Variants in DSCAM observed in about 807,000 individuals in gnomAD.
DSCAM encodes cell adhesion molecule DSCAM.
A neutral mutation model predicts 217.7 loss-of-function variants in DSCAM; 47 were observed. That is an observed-to-expected ratio of 0.22 (90% confidence interval 0.17 to 0.28). The LOEUF (loss-of-function observed/expected upper bound fraction) is 0.28. DSCAM is among the 10% of genes least tolerant of loss of function. The pLI is 1.00. For missense variants in DSCAM, 2,080 were observed against 2,618.3 expected (o/e 0.79, Z 4.49); for synonymous variants, 1,056 against 1,015.3 (o/e 1.04, Z -0.76).
intron 8 of DSCAM, among the ~76,000 whole-genome samples, chr21:40,329,150 T>A (rs1766175834): frequency 6.6e-6 from 1 of 152,190 alleles, no homozygotes; most frequent in East Asian, 1.9e-4. Flanking sequence ...TTTCTAGCAA[T>A]CCCATTACTG....
chr21:40,594,588 TAA>T (rs2077007542), intron 3 of DSCAM, among the ~76,000 whole-genome samples: 1 of 152,100 alleles, frequency 6.6e-6, no homozygotes, highest in South Asian at 2.1e-4. Context: ...TAGGGGGTAA[TAA>T]AGAGTAGCCA....
chr21:40,342,239 T>G (rs1396065908), intron 6 of DSCAM, among the ~76,000 whole-genome samples: 1 of 152,152 alleles, frequency 6.6e-6, no homozygotes, highest in African/African-American at 2.4e-5. Flanking sequence ...TCTGATACAT[T>G]TGTAAGATTC....
intron 20 of DSCAM, among the ~76,000 whole-genome samples, chr21:40,115,286 C>G (rs1328823060): frequency 6.6e-6 from 1 of 152,050 alleles, no homozygotes; most frequent in African/African-American, 2.4e-5. Context: ...AAGCTGGAAA[C>G]CATCATTCTG....
intron 3 of DSCAM, among the ~76,000 whole-genome samples, chr21:40,656,356 C>T (rs2837766): frequency 0.38 from 57,160 of 151,956 alleles, 10,791 homozygotes; most frequent in South Asian, 0.46. Context: ...AAATGTTCAT[C>T]GCTTTTTGCA....
intron 20 of DSCAM, among the ~76,000 whole-genome samples, chr21:40,101,999 T>C (rs530408834): frequency 1.0e-3 from 159 of 152,288 alleles, no homozygotes; most frequent in African/African-American, 3.8e-3. Flanking sequence ...TGAGTTTCAA[T>C]TAATGGTCAT....
chr21:40,508,570 A>T (rs2076227257), intron 3 of DSCAM, among the ~76,000 whole-genome samples: 1 of 151,120 alleles, frequency 6.6e-6, no homozygotes, highest in Non-Finnish European at 1.5e-5. Flanking sequence ...TGTTGTTATC[A>T]TCATTATTAT....
intron 8 of DSCAM, among the ~76,000 whole-genome samples, chr21:40,315,732 T>G (rs986291776): frequency 6.6e-6 from 1 of 152,210 alleles, no homozygotes; most frequent in Non-Finnish European, 1.5e-5. Context: ...GTCAGAAAGC[T>G]AATGCACTAA....
chr21:40,111,004 CAGG>C (rs2089892251), intron 20 of DSCAM, among the ~76,000 whole-genome samples: 1 of 152,146 alleles, frequency 6.6e-6, no homozygotes, highest in South Asian at 2.1e-4. Flanking sequence ...GGATATTATC[CAGG>C]AGAATTTCCC....
intron 1 of DSCAM, among the ~76,000 whole-genome samples, chr21:40,821,793 T>C (rs1420147762): frequency 6.6e-6 from 1 of 151,934 alleles, no homozygotes; most frequent in Non-Finnish European, 1.5e-5. Flanking sequence ...TCATCACTTA[T>C]AAATGGGAGC....
intron 4 of DSCAM, among the ~76,000 whole-genome samples, chr21:40,363,252 CTT>C (rs35756323): frequency 8.6e-6 from 1 of 116,158 alleles, no homozygotes; most frequent in African/African-American, 3.3e-5. Context: ...TTTTTGTGTT[CTT>C]TTTTTTTTTT....
intron 3 of DSCAM, among the ~76,000 whole-genome samples, chr21:40,671,418 G>A (rs1171399753): frequency 1.3e-5 from 2 of 152,186 alleles, no homozygotes; most frequent in Non-Finnish European, 2.9e-5. Flanking sequence ...GCTCATGCCT[G>A]TAATCCCAGC....
chr21:40,015,193 C>T (rs1288462551), intron 32 of DSCAM, among the ~76,000 whole-genome samples: 1 of 152,174 alleles, frequency 6.6e-6, no homozygotes, highest in Admixed American at 6.5e-5. Flanking sequence ...AGGTGCTTTG[C>T]TAGGCATTTC....
In DSCAM at chr21:40,779,382, G is replaced by A. The variant is rs2091519659; in HGVS notation, c.43+67237C>T. On this transcript the variant is annotated intron_variant, in intron 1 of 32. Transcript: ENST00000400454. ...GACGAAGAGAAATTTTGGTTCAGACGTCAGTATTAATTTTTAATATGTATT... is the reference window on the plus strand; with the variant it reads ...GACGAAGAGAAATTTTGGTTCAGACATCAGTATTAATTTTTAATATGTATT... Among the ~76,000 whole-genome samples the A allele has an allele frequency of 2.0e-5, 3 of 152,144 alleles. No homozygotes were observed. The South Asian group carries it at 6.2e-4, about 32-fold the overall frequency.
rs558015125 is a variant in DSCAM, at chr21:40,419,788, G to A, written c.509-50543C>T. On this transcript the variant is annotated intron_variant, in intron 3 of 32. Transcript: ENST00000400454. ...TCATTGTCAGCATCATCATCACCAT[G>A]TATAAAGTCTCACATTATTGTTATT... Among the ~76,000 whole-genome samples the A allele has an allele frequency of 2.1e-3, 320 of 152,252 alleles. 1 individual carries two copies. Among genetic ancestry groups the A allele is most frequent in the African/African-American group, 7.3e-3 (305 of 41,550 alleles).
intron 18 of DSCAM, among the ~76,000 whole-genome samples, chr21:40,139,924 A>G: frequency 7.8e-6 from 1 of 128,836 alleles, no homozygotes; most frequent in Non-Finnish European, 1.6e-5. Flanking sequence ...TGAGTGTGGG[A>G]TATGTGTGGG....
chr21:40,843,392 G>GTGTT (rs1343469843), intron 1 of DSCAM, among the ~76,000 whole-genome samples: 3 of 151,916 alleles, frequency 2.0e-5, no homozygotes, highest in African/African-American at 7.3e-5. Flanking sequence ...GTGTGTGTGT[G>GTGTT]TGTGTGTGTG....
chr21:40,395,886 C>A (rs1219505322), intron 3 of DSCAM, among the ~76,000 whole-genome samples: 1 of 152,156 alleles, frequency 6.6e-6, no homozygotes, highest in Admixed American at 6.5e-5. Flanking sequence ...CTTATTAAAG[C>A]CCCTGAAATC....
chr21:40,059,206 A>G (rs1293893131), intron 28 of DSCAM, among the ~76,000 whole-genome samples: 4 of 152,206 alleles, frequency 2.6e-5, no homozygotes, highest in Non-Finnish European at 5.9e-5. Flanking sequence ...TATGAACATC[A>G]AAAAAGCTGA....
chr21:40,663,172 G>C (rs1489827796), intron 3 of DSCAM, among the ~76,000 whole-genome samples: 1 of 149,590 alleles, frequency 6.7e-6, no homozygotes, highest in African/African-American at 2.5e-5. Context: ...ATGTCAGTGT[G>C]TGTGGTGTGT....
Sources: gnomAD v4.1 joint callset for allele counts (sites outside exome capture counted in the v4.1 genomes callset) on GRCh38, gnomAD v4.1.1 for gene constraint, MANE v1.5 for transcripts, NCBI Gene and HGNC (gene_info 2026-07-23, HGNC 2026-07-21) for gene names.